The following BTLA variants were observed in gnomAD, a reference collection of about 807,000 sequenced individuals.
BTLA encodes the protein B and T lymphocyte associated.
BTLA carries 11 observed loss-of-function variants against 25.0 expected under a neutral mutation model. The observed-to-expected ratio is 0.44, with a 90% CI of 0.28 to 0.73. The LOEUF (loss-of-function observed/expected upper bound fraction) is 0.73. BTLA is among the 30% of genes least tolerant of loss of function. The pLI, the probability that BTLA is intolerant of heterozygous loss-of-function variation, is 0.15. For missense variants in BTLA, 282 were observed against 332.8 expected (o/e 0.85, Z 1.19); for synonymous variants, 104 against 119.8 (o/e 0.87, Z 0.86).
chr3:112,468,904 A>G (rs1018802650), intron 4 of BTLA, among the ~76,000 whole-genome samples: 1 of 152,166 alleles, frequency 6.6e-6, no homozygotes, highest in Admixed American at 6.5e-5. Context: ...ATTTAATATT[A>G]TATATAGAAT....
chr3:112,487,459 C>T (rs535090012), intron 1 of BTLA, among the ~76,000 whole-genome samples: 1 of 152,106 alleles, frequency 6.6e-6, no homozygotes, highest in Non-Finnish European at 1.5e-5. Flanking sequence ...GTGGCGCATG[C>T]CTGTAATCCC....
At chr3:112,492,894 G>T (rs933202725) in intron 1 of BTLA, among the ~76,000 whole-genome samples, 1 of 152,138 alleles carries the variant, frequency 6.6e-6, no homozygotes, top group African/African-American at 2.4e-5. Context: ...GCAGAAAAAA[G>T]AAATTAAAGA....
chr3:112,472,282 T>A (rs1317499325), intron 2 of BTLA, among the ~76,000 whole-genome samples: 4 of 152,182 alleles, frequency 2.6e-5, no homozygotes, highest in African/African-American at 9.7e-5. Context: ...AAGTATGACC[T>A]TATGAAACTT....
Position 112,479,538 on chromosome 3 carries a change from G to A in BTLA, c.320C>T (p.Pro107Leu). The change falls in exon 2 of 5, where the codon CCT becomes CTT. Residue 107 changes from proline to leucine, a missense_variant. This residue lies in a region of BTLA where 163 missense variants were observed against 230.4 expected (regional missense o/e 0.71). Coordinates refer to ENST00000334529, the MANE Select transcript of BTLA (RefSeq NM_181780.4). ...FFILHFEPVL[P>L]NDNGSYRCSA... ...ACAGCGGTATGACCCATTGTCATTA[G>A]GAAGCACTGGTTCAAAATGTAGAAT... The A allele has an allele frequency of 6.2e-7, 1 of 1,614,090 alleles. No homozygotes were observed. Among genetic ancestry groups the A allele is most frequent in the Non-Finnish European group, 8.5e-7 (1 of 1,179,928 alleles).
Position 112,466,094 on chromosome 3 carries a change from A to C in BTLA, c.*14T>G. Reference sequence around the variant, plus strand: ...CTGATCATTCAATGGTCCCTGTTGGAGTCAGAAACAGACTTAACTCCTCAC... The same window carrying C: ...CTGATCATTCAATGGTCCCTGTTGGCGTCAGAAACAGACTTAACTCCTCAC... On this transcript the variant is annotated 3_prime_UTR_variant, in exon 5 of 5. Coordinates refer to ENST00000334529, the MANE Select transcript of BTLA (RefSeq NM_181780.4). 6.4e-7 allele frequency: 1 copy of C among 1,565,676 alleles called. No homozygotes were observed. Among genetic ancestry groups the C allele is most frequent in the Non-Finnish European group, 8.7e-7 (1 of 1,147,458 alleles).
intron 2 of BTLA, among the ~76,000 whole-genome samples, chr3:112,473,025 C>A (rs546149553): frequency 2.0e-5 from 3 of 152,002 alleles, no homozygotes; most frequent in East Asian, 2.0e-4. Context: ...ACCAAAAAAA[C>A]CTAATTTCCT....
In BTLA at chr3:112,476,178, G is replaced by A. The variant is rs915692220; in HGVS notation, c.403+3277C>T. On this transcript the variant is annotated intron_variant, in intron 2 of 4. Transcript: ENST00000334529. ...ATCCTGAAGAGGTTTATAAGCCAGT[G>A]CATGGATGGTCACAAGTAACTAGCA... Among the ~76,000 whole-genome samples the A allele has an allele frequency of 1.8e-4, 27 of 152,332 alleles. No homozygotes were observed. The East Asian group carries it at 5.2e-3, about 29-fold the overall frequency.
chr3:112,473,364 GA>G (rs1238152368), intron 2 of BTLA, among the ~76,000 whole-genome samples: 2 of 151,988 alleles, frequency 1.3e-5, no homozygotes, highest in Non-Finnish European at 1.5e-5. Context: ...GAAGCTCACT[GA>G]AAGACTGTAA....
chr3:112,476,612 A>G (rs1399970033), intron 2 of BTLA, among the ~76,000 whole-genome samples: 2 of 152,212 alleles, frequency 1.3e-5, no homozygotes, highest in African/African-American at 2.4e-5. Context: ...GAGCAACAAA[A>G]GAAACTCCAC....
intron 4 of BTLA, 145 bp from the exon 5 acceptor site, chr3:112,466,528 C>T (rs1041298953): frequency 3.0e-6 from 2 of 677,734 alleles, no homozygotes; most frequent in Non-Finnish European, 2.2e-6. Flanking sequence ...CTGCTGACAT[C>T]TACACTTTCA....
At chr3:112,484,783 T>C (rs1268614613) in intron 1 of BTLA, among the ~76,000 whole-genome samples, 1 of 152,208 alleles carries the variant, frequency 6.6e-6, no homozygotes, top group Non-Finnish European at 1.5e-5. Flanking sequence ...AATAGGATTA[T>C]GGAAACATTG....
intron 1 of BTLA, among the ~76,000 whole-genome samples, chr3:112,484,175 GATA>G (rs1431320579): frequency 9.9e-5 from 15 of 152,148 alleles, no homozygotes; most frequent in African/African-American, 3.6e-4. Context: ...GGAATCTCAT[GATA>G]GATTTAGATC....
chr3:112,485,147 C>T (rs577006295), intron 1 of BTLA, among the ~76,000 whole-genome samples: 46 of 152,140 alleles, frequency 3.0e-4, no homozygotes, highest in African/African-American at 1.0e-3. Context: ...CAGGTTCAAG[C>T]GATTCTCCTG....
At chr3:112,499,160 G>A (rs910163925) in intron 1 of BTLA, 111 bp downstream of exon 1, 3 of 744,280 alleles carry the variant, frequency 4.0e-6, no homozygotes, top group Admixed American at 2.5e-5. Context: ...TTTCATCTAC[G>A]ATTACCCACT....
At chr3:112,474,170 T>C (rs954765379) in intron 2 of BTLA, among the ~76,000 whole-genome samples, 3 of 152,166 alleles carry the variant, frequency 2.0e-5, no homozygotes, top group Non-Finnish European at 4.4e-5. Flanking sequence ...AAGTCACTTA[T>C]AAAAACAAGA....
chr3:112,487,977 C>T (rs534988017), intron 1 of BTLA, among the ~76,000 whole-genome samples: 5 of 152,286 alleles, frequency 3.3e-5, no homozygotes, highest in African/African-American at 4.8e-5. Context: ...TTAGCCAGAA[C>T]CTGGGGAGCC....
At chr3:112,471,518 C>T (rs1237156874) in intron 2 of BTLA, among the ~76,000 whole-genome samples, 163 bp from the exon 3 acceptor site, 4 of 152,200 alleles carry the variant, frequency 2.6e-5, no homozygotes, top group African/African-American at 9.7e-5. Context: ...CCTCAGCCAC[C>T]TCTTGCTTTC....
intron 1 of BTLA, among the ~76,000 whole-genome samples, chr3:112,493,196 G>A (rs945858746): frequency 2.6e-5 from 4 of 152,166 alleles, no homozygotes; most frequent in African/African-American, 4.8e-5. Context: ...CAACTCAAGC[G>A]CATGATTCTC....
At chr3:112,473,983 A>G (rs1361908073) in intron 2 of BTLA, among the ~76,000 whole-genome samples, 1 of 152,064 alleles carries the variant, frequency 6.6e-6, no homozygotes, top group African/African-American at 2.4e-5. Flanking sequence ...AGGCCAATGG[A>G]TGTTTCAAGG....
Sources: gnomAD v4.1 joint callset for allele counts (sites outside exome capture counted in the v4.1 genomes callset) on GRCh38, gnomAD v4.1.1 for gene constraint, gnomAD v4.1.1 regional missense constraint, MANE v1.5 for transcripts, NCBI Gene and HGNC (gene_info 2026-07-23, HGNC 2026-07-21) for gene names.